PPFIA2: variants seen among roughly 807,000 people sequenced by gnomAD.
The protein encoded by PPFIA2 is liprin-alpha-2.
PPFIA2 carries 46 observed loss-of-function variants against 175.5 expected under a neutral mutation model. The observed-to-expected ratio is 0.26, with a 90% CI of 0.21 to 0.34. The LOEUF is 0.34. Ranked by LOEUF, PPFIA2 falls within the 10% of genes least tolerant of loss-of-function variation. The pLI, the probability that PPFIA2 is intolerant of heterozygous loss-of-function variation, is 1.00. For synonymous variants in PPFIA2, 568 were observed against 511.4 expected, an observed-to-expected ratio of 1.11 and a Z score of -1.49; for missense variants, 1,179 against 1,506.1, an observed-to-expected ratio of 0.78 and a Z score of 3.60.
intron 3 of PPFIA2, among the ~76,000 whole-genome samples, chr12:81,749,599 T>C (rs898431569): frequency 2.8e-5 from 4 of 144,532 alleles, no homozygotes; most frequent in African/African-American, 9.7e-5. Flanking sequence ...ATATTCCTAG[T>C]AAATTACTCT....
At chr12:81,651,476 T>C (rs2067011547) in intron 4 of PPFIA2, among the ~76,000 whole-genome samples, 1 of 152,148 alleles carries the variant, frequency 6.6e-6, no homozygotes, top group Admixed American at 6.5e-5. Flanking sequence ...TGACCAAAAC[T>C]TAAACATGCT....
intron 4 of PPFIA2, among the ~76,000 whole-genome samples, chr12:81,660,161 G>A (rs762979683): frequency 4.6e-5 from 7 of 152,170 alleles, no homozygotes; most frequent in Non-Finnish European, 7.3e-5. Flanking sequence ...CCAAAGGAAC[G>A]CAGCTCCTCA....
intron 8 of PPFIA2, among the ~76,000 whole-genome samples, chr12:81,399,415 G>GT (rs2041758807): frequency 6.6e-6 from 1 of 151,260 alleles, no homozygotes; most frequent in South Asian, 2.1e-4. Flanking sequence ...CAAGGTCTTA[G>GT]TTAACACACA....
At chr12:81,461,576 C>A (rs2054545215) in intron 4 of PPFIA2, among the ~76,000 whole-genome samples, 1 of 151,992 alleles carries the variant, frequency 6.6e-6, no homozygotes, top group Admixed American at 6.6e-5. Context: ...TCAGGGATCT[C>A]CATCATTAAC....
At chr12:81,345,552 G>A (rs1359628985) in intron 18 of PPFIA2, among the ~76,000 whole-genome samples, 1 of 151,922 alleles carries the variant, frequency 6.6e-6, no homozygotes, top group Admixed American at 6.6e-5. Context: ...TGCTATGAAA[G>A]TAATAGCACT....
At chr12:81,348,642 A>G (rs181524748) in intron 17 of PPFIA2, among the ~76,000 whole-genome samples, 1 of 152,246 alleles carries the variant, frequency 6.6e-6, no homozygotes, top group Non-Finnish European at 1.5e-5. Context: ...AGGCTGAAGC[A>G]GGAGAATCGC....
intron 6 of PPFIA2, 61 bp from the exon 7 acceptor site, chr12:81,440,107 A>T: frequency 1.6e-6 from 2 of 1,241,006 alleles, no homozygotes; most frequent in Non-Finnish European, 2.2e-6. Context: ...AACTGTGCTG[A>T]ATCCATAATT....
chr12:81,724,534 A>G (rs2079785492), intron 3 of PPFIA2, among the ~76,000 whole-genome samples: 2 of 150,778 alleles, frequency 1.3e-5, no homozygotes, highest in South Asian at 2.1e-4. Context: ...TTATGTCCAC[A>G]TGTATGCATT....
chr12:81,444,173 A>G (rs1254290451), intron 6 of PPFIA2, among the ~76,000 whole-genome samples: 2 of 152,254 alleles, frequency 1.3e-5, no homozygotes, highest in African/African-American at 4.8e-5. Context: ...TTTCTTGAAG[A>G]CATCCTTGTC....
chr12:81,598,115 C>T (rs2059437471), intron 4 of PPFIA2: 2 of 1,523,168 alleles, frequency 1.3e-6, no homozygotes, highest in East Asian at 2.5e-5. Flanking sequence ...TCCGTGCATG[C>T]ATTGAGGGAG....
rs1190024557 is a variant in PPFIA2 at position 81,642,345 on chromosome 12, A to C, written c.303+34446T>G. Among the ~76,000 whole-genome samples, 7 of 151,760 alleles carry C rather than the reference A, an allele frequency of 4.6e-5. No homozygotes were observed. The East Asian group carries it at 1.4e-3, about 29-fold the overall frequency. On this transcript the variant is annotated intron_variant, in intron 4 of 32. Transcript: ENST00000549396. ...ATGTAAGATTTTATGCAGTTATTTTATCTCTCTGGCCTTAGCTTTTACATC... is the reference window on the plus strand; with the variant it reads ...ATGTAAGATTTTATGCAGTTATTTTCTCTCTCTGGCCTTAGCTTTTACATC...
intron 3 of PPFIA2, among the ~76,000 whole-genome samples, chr12:81,734,160 A>G (rs1041180022): frequency 3.9e-5 from 6 of 151,902 alleles, no homozygotes; most frequent in Non-Finnish European, 5.9e-5. Flanking sequence ...TGAAAGTGAT[A>G]GGTGCTGTGG....
intron 5 of PPFIA2, 37 bp downstream of exon 5, chr12:81,457,728 A>T: frequency 2.2e-6 from 3 of 1,340,838 alleles, no homozygotes; most frequent in Non-Finnish European, 2.1e-6. Context: ...TTGAACTACA[A>T]ATAGAATTAA....
At chr12:81,754,385 A>G (rs918144724) in intron 2 of PPFIA2, among the ~76,000 whole-genome samples, 162 bp from the exon 3 acceptor site, 9 of 152,192 alleles carry the variant, frequency 5.9e-5, no homozygotes, top group South Asian at 2.1e-4. Context: ...TTTGACCTCA[A>G]TGAAATATGA....
chr12:81,441,404 T>G (rs2050149965), intron 6 of PPFIA2, among the ~76,000 whole-genome samples: 1 of 152,064 alleles, frequency 6.6e-6, no homozygotes, highest in African/African-American at 2.4e-5. Context: ...TTGTTATGCT[T>G]AAATTCTCTA....
chr12:81,642,766 A>ATGTATATATTATATACATACATGTACG (rs2065385166), intron 4 of PPFIA2, among the ~76,000 whole-genome samples: 3 of 4,182 alleles, frequency 7.2e-4, no homozygotes, highest in African/African-American at 2.6e-3. Context: ...ATACATGTAT[A>ATGTATATATTATATACATACATGTACG]TGTATGTATG....
Position 81,754,012 on chromosome 12 carries a change from T to G in PPFIA2, c.210A>C (p.Arg70=), listed in dbSNP as rs781032415. 1 of 1,613,802 alleles carries G rather than the reference T, an allele frequency of 6.2e-7. No homozygotes were observed. The highest frequency in any genetic ancestry group is 8.5e-7 in the Non-Finnish European group (1 of 1,179,878). The part of the protein sequence containing the change: ...QQRLQDVIYD[R]DSLQRQLNSA... ...AATTGAGCTGTCTCTGGAGTGAGTC[T>G]CGGTCATAGATGACATCCTGAAGTC... The change falls in exon 3 of 33, where the codon CGA becomes CGC. Residue 70 remains arginine, a synonymous_variant. Coordinates refer to ENST00000549396, the MANE Select transcript of PPFIA2 (RefSeq NM_003625.5).
chr12:81,659,352 G>A (rs2153543691), intron 4 of PPFIA2, among the ~76,000 whole-genome samples: 1 of 152,254 alleles, frequency 6.6e-6, no homozygotes, highest in East Asian at 1.9e-4. Flanking sequence ...GGAAAATCAG[G>A]TCACTCCCAC....
At position 81,507,076 on chromosome 12, in the gene PPFIA2, A is replaced by AT. The variant is rs200346118; in HGVS notation, c.304-49211dup. ...TTGAGAAAATAGTTATTCAAATAGT[A>AT]TTTTTTTTTCTATGGTTCAGATGAG... On this transcript the variant is annotated intron_variant, in intron 4 of 32. Transcript: ENST00000549396. Among the ~76,000 whole-genome samples, 200 of 151,638 alleles carry AT rather than the reference A, an allele frequency of 1.3e-3. 1 individual carries two copies. Among genetic ancestry groups the AT allele is most frequent in the African/African-American group, 3.3e-3 (138 of 41,378 alleles).
Sources: allele counts gnomAD v4.1 joint callset (sites outside exome capture counted in the v4.1 genomes callset), GRCh38; gene constraint gnomAD v4.1.1; transcripts MANE v1.5; gene names NCBI Gene and HGNC (gene_info 2026-07-23, HGNC 2026-07-21).